Variants in DIDO1 observed in about 807,000 individuals in gnomAD.
The protein encoded by DIDO1 is death inducer-obliterator 1.
In DIDO1, 16 loss-of-function variants were observed where a neutral mutation model predicts 99.4. The observed-to-expected ratio is 0.16, with a 90% CI of 0.11 to 0.24. The LOEUF (loss-of-function observed/expected upper bound fraction) is 0.24. DIDO1 is among the 10% of genes least tolerant of loss of function. The probability of loss-of-function intolerance (pLI) is 1.00; values close to 1 mark genes in which losing one functional copy is unlikely to be tolerated. For missense variants in DIDO1, 2,996 were observed against 3,014.0 expected (o/e 0.99, Z 0.14); for synonymous variants, 1,366 against 1,239.1 (o/e 1.10, Z -2.15).
At position 62,910,869 on chromosome 20, in the gene DIDO1, A is replaced by G. The variant is rs1055511840; in HGVS notation, c.744T>C (p.Asp248=). The G allele has an allele frequency of 6.2e-7, 1 of 1,614,006 alleles. No homozygotes were observed. Among genetic ancestry groups the G allele is most frequent in the East Asian group, 2.2e-5 (1 of 44,856 alleles). The change falls in exon 3 of 16, where the codon GAT becomes GAC. Residue 248 remains aspartate, a synonymous_variant. Coordinates refer to ENST00000395343, the MANE Select transcript of DIDO1 (RefSeq NM_001193369.2). ...LEGKAAQDIK[D]EEPGDLGRPK... is the part of the protein sequence containing the mutation. ...GTCGGCCCAAGTCTCCAGGCTCCTC[A>G]TCTTTGATGTCCTGAGCCGCCTTTC...
chr20:62,888,644 A>T, intron 15 of DIDO1: 3 of 985,590 alleles, frequency 3.0e-6, no homozygotes, highest in Non-Finnish European at 3.6e-6. Context: ...ACATGCCAGG[A>T]CCTAGCCTTA....
At chr20:62,914,052 T>G (rs1342640336) in intron 2 of DIDO1, among the ~76,000 whole-genome samples, 158 bp downstream of exon 2, 2 of 152,248 alleles carry the variant, frequency 1.3e-5, no homozygotes, top group African/African-American at 4.8e-5. Flanking sequence ...CAGAATCTGC[T>G]GCTATAGAGA....
At chr20:62,893,126 G>A (rs2064434956) in intron 12 of DIDO1, among the ~76,000 whole-genome samples, 164 bp from the exon 13 acceptor site, 1 of 152,080 alleles carries the variant, frequency 6.6e-6, no homozygotes, top group Non-Finnish European at 1.5e-5. Flanking sequence ...CCCAGGCTCA[G>A]GTGATCCTCC....
intron 4 of DIDO1, among the ~76,000 whole-genome samples, chr20:62,908,069 T>C (rs931772260): frequency 1.3e-5 from 2 of 152,148 alleles, no homozygotes; most frequent in African/African-American, 4.8e-5. Context: ...AGCCTTGATG[T>C]CCTGGGCTCA....
chr20:62,881,016 A>G lies in DIDO1; in HGVS notation c.4940T>C (p.Val1647Ala). ...EPGEGTRPAT[V>A]GDSSARPARR... is the part of the protein sequence containing the mutation. ...GGCAGGCCTGGCCGAGCTGTCTCCA[A>G]CCGTGGCGGGGCGGGTGCCCTCCCC... is the stretch of plus-strand genomic sequence containing the variant. Residue 1647 changes from valine (V) to alanine (A), a missense_variant, in exon 16 of 16, where the codon GTT becomes GCT. Physicochemically the swap from Val to Ala is moderately conservative, Grantham distance 64. Coordinates refer to ENST00000395343, the MANE Select transcript of DIDO1 (RefSeq NM_001193369.2). This position sits in a 1 kb window ranked among gnomAD's most constrained non-coding sequence, Gnocchi z 8.3. The G allele has an allele frequency of 6.2e-7, 1 of 1,605,090 alleles. No individual in the cohort carries two copies. The highest frequency in any genetic ancestry group is 8.5e-7 in the Non-Finnish European group (1 of 1,178,360).
At chr20:62,888,624 G>C in intron 15 of DIDO1, 1 of 985,610 alleles carries the variant, frequency 1.0e-6, no homozygotes, top group Non-Finnish European at 1.2e-6. Flanking sequence ...GGTCCGCTGA[G>C]ACAGGGGAAA....
In DIDO1 at chr20:62,882,299, T is replaced by C. The variant is rs1212569236; in HGVS notation, c.3657A>G (p.Gln1219=). Residue 1219 remains glutamine, a synonymous_variant, in exon 16 of 16, where the codon CAA becomes CAG. Coordinates refer to ENST00000395343, the MANE Select transcript of DIDO1 (RefSeq NM_001193369.2). ...AGGCCGGAACGTCCGCTTCTTCCGG[T>C]TGAAGTCGGGTCCGCTTTTCGTCCA... is the stretch of plus-strand genomic sequence containing the variant. ...DKMDEKRTRL[Q]PEEADVPAYP... 2.5e-6 allele frequency: 4 copies of C among 1,614,046 alleles called. No individual in the cohort carries two copies. Among genetic ancestry groups the C allele is most frequent in the Non-Finnish European group, 1.7e-6 (2 of 1,180,020 alleles).
At chr20:62,905,549 G>GT in intron 6 of DIDO1, 1 of 1,551,086 alleles carries the variant, frequency 6.4e-7, no homozygotes, top group South Asian at 1.2e-5. Flanking sequence ...GTGCCGGGCA[G>GT]TGTGGCTATG....
chr20:62,880,836 TGAA>T lies in DIDO1; in HGVS notation c.5117_5119del (p.Leu1706del), dbSNP rs767156569. On this transcript the variant is annotated inframe_deletion, in exon 16 of 16. Transcript: ENST00000395343. ...AGGGCTGCTGCTCCTTCCAGCAGAA[TGAA>T]GATTTCTTGGGTCCTCATACTGGGC... 11 of 1,612,616 alleles carry T rather than the reference TGAA, an allele frequency of 6.8e-6. No homozygotes were observed. The highest frequency in any genetic ancestry group is 1.1e-5 in the South Asian group (1 of 91,084).
chr20:62,934,570 G>A (rs763438102), intron 1 of DIDO1, among the ~76,000 whole-genome samples: 25 of 152,258 alleles, frequency 1.6e-4, no homozygotes, highest in Non-Finnish European at 3.2e-4. Flanking sequence ...CTGCTGCAGC[G>A]TTTTGTGGCA....
chr20:62,879,265 C>T lies in DIDO1; in HGVS notation c.6691G>A (p.Ala2231Thr), dbSNP rs1410625394. The T allele has an allele frequency of 5.7e-6, 9 of 1,565,326 alleles. No homozygotes were observed. Among genetic ancestry groups the T allele is most frequent in the East Asian group, 2.3e-5 (1 of 43,252 alleles). ...ARDPKPEASR[A>T]SDAGTASQA ...TGCGAGGCGGTGCCAGCGTCGGAGGCCCTCGAGGCCTCGGGCTTCGGGTCC... is the reference window on the plus strand; with the variant it reads ...TGCGAGGCGGTGCCAGCGTCGGAGGTCCTCGAGGCCTCGGGCTTCGGGTCC... The change falls in exon 16 of 16, where the codon GCC becomes ACC. Residue 2231 changes from alanine (A) to threonine (T), a missense_variant. By Grantham distance (58) the Ala-to-Thr change is moderately conservative. This residue lies in a region of DIDO1 where 1,562 missense variants were observed against 1,412.6 expected (regional missense o/e 1.11). Coordinates refer to ENST00000395343, the MANE Select transcript of DIDO1 (RefSeq NM_001193369.2). The surrounding 1 kb of genome is among the most constrained non-coding windows in gnomAD (Gnocchi z 6.3).
At chr20:62,913,427 C>T (rs865996698) in intron 2 of DIDO1, among the ~76,000 whole-genome samples, 8 of 152,154 alleles carry the variant, frequency 5.3e-5, no homozygotes, top group South Asian at 2.1e-4. Context: ...CACAAGGAAC[C>T]GCTCTGATCC....
chr20:62,925,100 GAC>G (rs1340688548), intron 1 of DIDO1, among the ~76,000 whole-genome samples: 2 of 152,190 alleles, frequency 1.3e-5, no homozygotes, highest in Admixed American at 1.3e-4. Flanking sequence ...AATAGTCACA[GAC>G]ACACATACAC....
intron 5 of DIDO1, among the ~76,000 whole-genome samples, chr20:62,906,629 C>T (rs1203960140): frequency 6.6e-6 from 1 of 152,200 alleles, no homozygotes; most frequent in Non-Finnish European, 1.5e-5. Context: ...ATAACCGGGG[C>T]AGTGACACAG....
At chr20:62,913,697 G>A (rs1180499425) in intron 2 of DIDO1, among the ~76,000 whole-genome samples, 5 of 152,210 alleles carry the variant, frequency 3.3e-5, no homozygotes, top group South Asian at 2.1e-4. Flanking sequence ...TGAGGGGCTC[G>A]CACTAGCCTT....
intron 1 of DIDO1, among the ~76,000 whole-genome samples, chr20:62,922,105 T>TACACACACAC (rs1392712833): frequency 1.0e-4 from 7 of 67,822 alleles, no homozygotes; most frequent in African/African-American, 4.0e-4. Context: ...ACACACTATA[T>TACACACACAC]ATATACACAC....
At position 62,880,795 on chromosome 20, in the gene DIDO1, C is replaced by T. The variant is rs2064187636; in HGVS notation, c.5161G>A (p.Gly1721Arg). Residue 1721 changes from glycine (G) to arginine (R), a missense_variant, in exon 16 of 16, where the codon GGG becomes AGG. By Grantham distance (125) the Gly-to-Arg change is moderately radical. This residue lies in a region of DIDO1 where 1,562 missense variants were observed against 1,412.6 expected (regional missense o/e 1.11). Transcript: ENST00000395343. ...RSSSPAGETEGDREPQARPGE... is the reference protein window; with the variant it reads ...RSSSPAGETERDREPQARPGE... ...GGTCTGGCCTGTGGCTCTCTGTCCC[C>T]CTCTGTTTCACCTGCAGGGCTGCTG... 1 of 1,612,672 alleles carries T rather than the reference C, an allele frequency of 6.2e-7. No homozygotes were observed. The highest frequency in any genetic ancestry group is 1.7e-5 in the Admixed American group (1 of 60,008).
chr20:62,899,543 G>C (rs1469521510), intron 6 of DIDO1, among the ~76,000 whole-genome samples: 1 of 152,224 alleles, frequency 6.6e-6, no homozygotes. Context: ...ATGAGTTTTA[G>C]GGCACTCCCA....
In DIDO1 at chr20:62,894,230, A is replaced by G; in HGVS notation, c.2573-36T>C. Reference sequence around the variant, plus strand: ...CGAGGAAAGGCTCTGTGAGAAACCCAGCCGGCACACTGGTGTTTCTCACAC... The same window carrying G: ...CGAGGAAAGGCTCTGTGAGAAACCCGGCCGGCACACTGGTGTTTCTCACAC... On this transcript the variant is annotated intron_variant, in intron 11 of 15. Coordinates refer to ENST00000395343, the MANE Select transcript of DIDO1 (RefSeq NM_001193369.2). The surrounding 1 kb of genome is among the most constrained non-coding windows in gnomAD (Gnocchi z 4.4). 2.5e-6 allele frequency: 4 copies of G among 1,598,830 alleles called. No homozygotes were observed. Among genetic ancestry groups the G allele is most frequent in the Non-Finnish European group, 3.4e-6 (4 of 1,170,000 alleles).
Sources: allele counts gnomAD v4.1 joint callset (sites outside exome capture counted in the v4.1 genomes callset), GRCh38; gene constraint gnomAD v4.1.1; regional missense constraint gnomAD v4.1.1; non-coding constraint Gnocchi (gnomAD v3.1); transcripts MANE v1.5; gene names NCBI Gene and HGNC (gene_info 2026-07-23, HGNC 2026-07-21).